SNAP91: variants seen among roughly 807,000 people sequenced by gnomAD.
SNAP91 encodes synaptosome associated protein 91.
SNAP91 carries 27 observed loss-of-function variants against 100.3 expected under a neutral mutation model. The ratio of observed to expected loss-of-function variants is 0.27; its 90% CI spans 0.20 to 0.37. SNAP91 has a LOEUF of 0.37. Among genes scored for constraint, SNAP91 ranks in the 10% least tolerant of loss-of-function variants. The pLI is 1.00. For missense variants in SNAP91, 986 were observed against 1,123.7 expected, an observed-to-expected ratio of 0.88 and a Z score of 1.75; for synonymous variants, 404 against 398.6, an observed-to-expected ratio of 1.01 and a Z score of -0.16.
At chr6:83,581,102 A>G (rs1412992155) in intron 23 of SNAP91, among the ~76,000 whole-genome samples, 2 of 152,210 alleles carry the variant, frequency 1.3e-5, no homozygotes, top group Admixed American at 6.5e-5. Flanking sequence ...CTTTATGGTG[A>G]AATCTAAATA....
intron 26 of SNAP91, among the ~76,000 whole-genome samples, chr6:83,573,600 A>G (rs1405680024): frequency 2.0e-5 from 3 of 152,364 alleles, no homozygotes; most frequent in South Asian, 2.1e-4. Flanking sequence ...GTACCAAAAC[A>G]GAGATATAGA....
rs747157719 is a variant in SNAP91, at chr6:83,594,501, A to G, written c.1325-20T>C. On this transcript the variant is annotated intron_variant, in intron 16 of 29. Coordinates refer to ENST00000369694, the MANE Select transcript of SNAP91 (RefSeq NM_001242792.2). ...AGGCATCTTGGGTGCGGTTTTTAAA[A>G]CAGCAGAAATTAAAAGAATAAAAAG... is the stretch of plus-strand genomic sequence containing the variant. 1.0e-5 allele frequency: 14 copies of G among 1,373,008 alleles called. No homozygotes were observed. The highest frequency in any genetic ancestry group is 9.8e-5 in the South Asian group (7 of 71,236). The allele number at this position is 1,373,008 out of a possible 1,614,324, so 85.1% of individuals were successfully genotyped here.
intron 22 of SNAP91, among the ~76,000 whole-genome samples, chr6:83,588,937 A>G (rs1678805874): frequency 6.6e-6 from 1 of 152,106 alleles, no homozygotes; most frequent in Admixed American, 6.5e-5. Flanking sequence ...TCAAATTCCC[A>G]TTTGAGATCT....
At chr6:83,701,229 G>C (rs969258354) in intron 2 of SNAP91, among the ~76,000 whole-genome samples, 1 of 152,092 alleles carries the variant, frequency 6.6e-6, no homozygotes, top group Admixed American at 6.6e-5. Flanking sequence ...GTTTTAAATG[G>C]AGATACTTGA....
intron 2 of SNAP91, among the ~76,000 whole-genome samples, chr6:83,698,566 C>A (rs2099252285): frequency 6.6e-6 from 1 of 151,946 alleles, no homozygotes. Flanking sequence ...AAGAGAAAAA[C>A]AAAAACAAAA....
intron 1 of SNAP91, 27 bp from the exon 2 acceptor site, chr6:83,707,984 G>A: frequency 1.3e-6 from 2 of 1,515,792 alleles, no homozygotes; most frequent in Non-Finnish European, 1.7e-6. Flanking sequence ...GAGACGGTCC[G>A]GCTTTAATCC....
At chr6:83,684,659 C>T (rs995229854) in intron 2 of SNAP91, among the ~76,000 whole-genome samples, 4 of 152,142 alleles carry the variant, frequency 2.6e-5, no homozygotes, top group African/African-American at 9.7e-5. Flanking sequence ...AGCAAAATTC[C>T]TGAAATATAG....
intron 16 of SNAP91, among the ~76,000 whole-genome samples, chr6:83,595,686 T>C (rs1314966240): frequency 1.3e-5 from 2 of 152,164 alleles, no homozygotes; most frequent in African/African-American, 4.8e-5. Context: ...TCTACTCATG[T>C]TTCCTGGAAC....
intron 2 of SNAP91, among the ~76,000 whole-genome samples, chr6:83,666,007 C>A (rs2098675691): frequency 6.6e-6 from 1 of 152,052 alleles, no homozygotes; most frequent in Non-Finnish European, 1.5e-5. Context: ...AACTTAACAG[C>A]TAAAAGCATA....
At chr6:83,600,733 T>G (rs1203116267) in intron 16 of SNAP91, among the ~76,000 whole-genome samples, 1 of 152,216 alleles carries the variant, frequency 6.6e-6, no homozygotes, top group Non-Finnish European at 1.5e-5. Flanking sequence ...ATGATCCAAG[T>G]TTTTATTTGG....
chr6:83,629,990 T>C (rs779873218), intron 8 of SNAP91, among the ~76,000 whole-genome samples: 2 of 152,148 alleles, frequency 1.3e-5, no homozygotes, highest in Admixed American at 6.6e-5. Flanking sequence ...TGTGGGTTTG[T>C]CATAGATGGC....
chr6:83,673,830 G>C (rs2098822652), intron 2 of SNAP91, among the ~76,000 whole-genome samples: 1 of 152,188 alleles, frequency 6.6e-6, no homozygotes, highest in Non-Finnish European at 1.5e-5. Context: ...CTTGTAGCTA[G>C]ATATGTAAGC....
chr6:83,615,327 T>C (rs530174873), intron 10 of SNAP91, among the ~76,000 whole-genome samples: 22 of 152,306 alleles, frequency 1.4e-4, no homozygotes, highest in African/African-American at 4.6e-4. Flanking sequence ...TGACTTACAG[T>C]GTGCATCCAG....
At chr6:83,640,860 T>C (rs559077985) in intron 8 of SNAP91, among the ~76,000 whole-genome samples, 1 of 152,256 alleles carries the variant, frequency 6.6e-6, no homozygotes, top group African/African-American at 2.4e-5. Flanking sequence ...CATGAAACTT[T>C]TATTTGAATG....
chr6:83,684,034 T>C lies in SNAP91; in HGVS notation c.131-18453A>G, dbSNP rs2128934284. Among the ~76,000 whole-genome samples the C allele has an allele frequency of 1.3e-5, 2 of 152,294 alleles. 1 individual carries two copies. The highest frequency in any genetic ancestry group is 4.8e-5 in the African/African-American group (2 of 41,566). ...CCTCATACCTTTGTTTCCCTGCCAT[T>C]TTTCTCCTTCTATTTTTAATCAGCT... On this transcript the variant is annotated intron_variant, in intron 2 of 29. Coordinates refer to ENST00000369694, the MANE Select transcript of SNAP91 (RefSeq NM_001242792.2).
chr6:83,582,083 G>T, intron 23 of SNAP91, 139 bp downstream of exon 23: 1 of 860,684 alleles, frequency 1.2e-6, no homozygotes, highest in Non-Finnish European at 1.7e-6. Context: ...CTAAATGAGA[G>T]ATTTATTAAC....
In SNAP91 at chr6:83,689,941, AT is replaced by A. The variant is rs570758370; in HGVS notation, c.130+17856del. Among the ~76,000 whole-genome samples, 13 of 151,870 alleles carry A rather than the reference AT, an allele frequency of 8.6e-5. No homozygotes were observed. The South Asian group carries it at 2.7e-3, about 32-fold the overall frequency. ...TTAAGTATATTACTATAATTGTCTC[AT>A]TTTTTCCTTTTATTTCCTTTCTATT... On this transcript the variant is annotated intron_variant, in intron 2 of 29. Transcript: ENST00000369694.
chr6:83,634,630 G>A (rs995069862), intron 8 of SNAP91, among the ~76,000 whole-genome samples: 12 of 152,040 alleles, frequency 7.9e-5, no homozygotes, highest in South Asian at 2.1e-4. Context: ...CCCACTTCTC[G>A]TTGATTACAT....
chr6:83,703,502 AC>A (rs1037503313), intron 2 of SNAP91, among the ~76,000 whole-genome samples: 1 of 152,186 alleles, frequency 6.6e-6, no homozygotes, highest in Non-Finnish European at 1.5e-5. Flanking sequence ...ATTTTTACTC[AC>A]AAAATTTCTT....
Sources: allele counts gnomAD v4.1 joint callset (sites outside exome capture counted in the v4.1 genomes callset), GRCh38; gene constraint gnomAD v4.1.1; transcripts MANE v1.5; gene names NCBI Gene and HGNC (gene_info 2026-07-23, HGNC 2026-07-21).